The following PKIA variants were observed in gnomAD, a reference collection of about 807,000 sequenced individuals.
PKIA encodes PKI-alpha.
PKIA carries 4 observed loss-of-function variants against 7.6 expected under a neutral mutation model. The observed-to-expected ratio is 0.52, with a 90% CI of 0.26 to 1.20. The LOEUF is 1.20. PKIA is among the 50% of genes most tolerant of loss of function. The pLI, the probability that PKIA is intolerant of heterozygous loss-of-function variation, is 0.13. For missense variants in PKIA, 73 were observed against 86.2 expected, an observed-to-expected ratio of 0.85 and a Z score of 0.61; for synonymous variants, 21 against 30.7, an observed-to-expected ratio of 0.68 and a Z score of 1.04.
chr8:78,562,567 T>G (rs1469955174), intron 1 of PKIA, among the ~76,000 whole-genome samples: 1 of 152,194 alleles, frequency 6.6e-6, no homozygotes, highest in Non-Finnish European at 1.5e-5. Context: ...AGTCCTGGGA[T>G]GCAGCAAGCT....
intron 2 of PKIA, among the ~76,000 whole-genome samples, chr8:78,587,349 G>A (rs1271317564): frequency 6.6e-6 from 1 of 152,186 alleles, no homozygotes. Context: ...TGATTTTGAT[G>A]TGAATAAACC....
intron 1 of PKIA, among the ~76,000 whole-genome samples, chr8:78,538,534 C>T (rs888252896): frequency 6.6e-6 from 1 of 152,014 alleles, no homozygotes; most frequent in African/African-American, 2.4e-5. Context: ...GGTGTCCAAA[C>T]TGTCACAAAG....
At chr8:78,569,407 T>C (rs533751989) in intron 1 of PKIA, among the ~76,000 whole-genome samples, 3 of 152,254 alleles carry the variant, frequency 2.0e-5, no homozygotes, top group Admixed American at 6.5e-5. Context: ...CTCATCTGTC[T>C]GCAGTAAGGC....
chr8:78,518,696 C>A (rs1490316024), intron 1 of PKIA, among the ~76,000 whole-genome samples: 1 of 152,128 alleles, frequency 6.6e-6, no homozygotes, highest in East Asian at 1.9e-4. Context: ...GAAATAGGTT[C>A]AGGATTAGGA....
intron 2 of PKIA, among the ~76,000 whole-genome samples, chr8:78,593,973 C>T (rs1448199519): frequency 6.6e-6 from 1 of 152,162 alleles, no homozygotes; most frequent in African/African-American, 2.4e-5. Context: ...ATTTCTTCCT[C>T]ATTGGTCAGT....
chr8:78,559,111 A>T (rs1807222001), intron 1 of PKIA, among the ~76,000 whole-genome samples: 1 of 152,114 alleles, frequency 6.6e-6, no homozygotes, highest in African/African-American at 2.4e-5. Flanking sequence ...TAGTAGAGAC[A>T]GGGTTTCACC....
At chr8:78,596,760 A>G (rs1056063543) in intron 2 of PKIA, among the ~76,000 whole-genome samples, 2 of 152,172 alleles carry the variant, frequency 1.3e-5, no homozygotes, top group African/African-American at 4.8e-5. Flanking sequence ...TGTCCAGAAA[A>G]ATATTCCCTA....
chr8:78,602,915 T>C lies in PKIA; in HGVS notation c.*1094T>C, dbSNP rs185350387. ...CTCCTTGCAATCATGTGGACACCAATCACAAAAGTAAAGCCCTGGTGTTGT... is the reference window on the plus strand; with the variant it reads ...CTCCTTGCAATCATGTGGACACCAACCACAAAAGTAAAGCCCTGGTGTTGT... On this transcript the variant is annotated 3_prime_UTR_variant, in exon 4 of 4. Coordinates refer to ENST00000396418, the MANE Select transcript of PKIA (RefSeq NM_006823.4). 2.0e-4 allele frequency: 31 copies of C among 152,410 alleles called. No homozygotes were observed. The highest frequency in any genetic ancestry group is 8.6e-4 in the Admixed American group (13 of 15,194). The allele number at this position is 152,410 out of a possible 1,614,324, so 9.4% of individuals were successfully genotyped here. A position where few individuals can be genotyped will look rare whatever the true frequency, so the allele number is the denominator to read the frequency against.
chr8:78,525,164 G>A (rs1337752332), intron 1 of PKIA, among the ~76,000 whole-genome samples: 1 of 151,702 alleles, frequency 6.6e-6, no homozygotes, highest in Admixed American at 6.6e-5. Context: ...TGCACCATCT[G>A]TTTACCCAGG....
intron 2 of PKIA, among the ~76,000 whole-genome samples, chr8:78,584,560 A>C (rs1807903619): frequency 6.6e-6 from 1 of 152,108 alleles, no homozygotes; most frequent in South Asian, 2.1e-4. Flanking sequence ...TCTAATTATA[A>C]CTCAAATGAG....
intron 2 of PKIA, among the ~76,000 whole-genome samples, chr8:78,580,922 G>A (rs1470654459): frequency 6.6e-6 from 1 of 152,010 alleles, no homozygotes; most frequent in African/African-American, 2.4e-5. Context: ...ATATGTGTGT[G>A]ACTATATAAC....
intron 1 of PKIA, among the ~76,000 whole-genome samples, chr8:78,546,453 A>T (rs1436245663): frequency 6.6e-6 from 1 of 152,188 alleles, no homozygotes; most frequent in African/African-American, 2.4e-5. Flanking sequence ...TGCATTTATC[A>T]TAAATAGCCA....
At chr8:78,521,020 C>A (rs1187608442) in intron 1 of PKIA, among the ~76,000 whole-genome samples, 2 of 152,060 alleles carry the variant, frequency 1.3e-5, no homozygotes, top group African/African-American at 4.8e-5. Flanking sequence ...AATAGTGACT[C>A]AAAGAACCTT....
At chr8:78,543,069 C>T (rs979377964) in intron 1 of PKIA, among the ~76,000 whole-genome samples, 16 of 152,128 alleles carry the variant, frequency 1.1e-4, no homozygotes, top group African/African-American at 2.9e-4. Flanking sequence ...GAAATGTACA[C>T]GCAAATATAC....
At chr8:78,542,439 A>C (rs1243381233) in intron 1 of PKIA, among the ~76,000 whole-genome samples, 3 of 152,204 alleles carry the variant, frequency 2.0e-5, no homozygotes, top group Admixed American at 2.0e-4. Flanking sequence ...CAAACTTCTA[A>C]ACTCCACTGC....
At chr8:78,584,235 A>G (rs1021970311) in intron 2 of PKIA, among the ~76,000 whole-genome samples, 6 of 151,932 alleles carry the variant, frequency 3.9e-5, no homozygotes, top group Non-Finnish European at 7.4e-5. Context: ...TCTCAGTTGA[A>G]AAACAATTAT....
At chr8:78,575,326 T>G (rs1807646936) in intron 2 of PKIA, among the ~76,000 whole-genome samples, 1 of 151,936 alleles carries the variant, frequency 6.6e-6, no homozygotes, top group African/African-American at 2.4e-5. Flanking sequence ...TTCATTTAAT[T>G]TTTATGTATT....
At chr8:78,554,507 T>G (rs1027082443) in intron 1 of PKIA, among the ~76,000 whole-genome samples, 1 of 152,000 alleles carries the variant, frequency 6.6e-6, no homozygotes, top group African/African-American at 2.4e-5. Flanking sequence ...GCACATTTAG[T>G]TAAAATTTTT....
chr8:78,587,241 G>T lies in PKIA; in HGVS notation c.-27-11117G>T, dbSNP rs527294682. On this transcript the variant is annotated intron_variant, in intron 2 of 3. Transcript: ENST00000396418. ...ATTTTAAAAGTATCTTTCTTCCTTG[G>T]ACTCTTACAGAGCCAGTAAAGGAAA... is the stretch of plus-strand genomic sequence containing the variant. Among the ~76,000 whole-genome samples the T allele has an allele frequency of 2.6e-5, 4 of 152,176 alleles. No homozygotes were observed. In the South Asian group the frequency reaches 8.3e-4, roughly 32 times the overall value.
Sources: gnomAD v4.1 joint callset for allele counts (sites outside exome capture counted in the v4.1 genomes callset) on GRCh38, gnomAD v4.1.1 for gene constraint, MANE v1.5 for transcripts, NCBI Gene and HGNC (gene_info 2026-07-23, HGNC 2026-07-21) for gene names.